The following NRDC variants were observed in gnomAD, a reference collection of about 807,000 sequenced individuals.
NRDC encodes the protein nardilysin convertase.
NRDC carries 54 observed loss-of-function variants against 147.1 expected under a neutral mutation model. The ratio of observed to expected loss-of-function variants is 0.37; its 90% confidence interval spans 0.29 to 0.46. NRDC has a LOEUF of 0.46. NRDC is among the 20% of genes least tolerant of loss of function. The pLI, the probability that NRDC is intolerant of heterozygous loss-of-function variation, is 1.00. For synonymous variants in NRDC, 440 were observed against 482.1 expected, an observed-to-expected ratio of 0.91 and a Z score of 1.14; for missense variants, 1,082 against 1,370.6, an observed-to-expected ratio of 0.79 and a Z score of 3.33.
At chr1:51,869,122 T>A (rs1224096582) in intron 1 of NRDC, among the ~76,000 whole-genome samples, 1 of 152,032 alleles carries the variant, frequency 6.6e-6, no homozygotes, top group African/African-American at 2.4e-5. Context: ...GCTAATTTTT[T>A]AATTTTTTGT....
chr1:51,878,343 C>T lies in NRDC; in HGVS notation c.273G>A (p.Arg91=), dbSNP rs1251765981. ...LGADESEEEG[R]RGSLSNAGDP... ...CCCCAGCATTACTGAGAGACCCCCT[C>T]CGTCCCTCTTCCTCAGATTCATCCG... The change falls in exon 1 of 31, where the codon CGG becomes CGA. Residue 91 remains arginine, a synonymous_variant. Coordinates refer to ENST00000352171, the MANE Select transcript of NRDC (RefSeq NM_001101662.2). The T allele has an allele frequency of 6.2e-7, 1 of 1,614,228 alleles. No homozygotes were observed. The highest frequency in any genetic ancestry group is 1.1e-5 in the South Asian group (1 of 91,090).
chr1:51,852,595 T>C (rs1323903224), intron 1 of NRDC, among the ~76,000 whole-genome samples: 2 of 3,374 alleles, frequency 5.9e-4, no homozygotes, highest in Non-Finnish European at 2.2e-3. Context: ...TAGTTTTATA[T>C]ATAGTTTTTT....
chr1:51,838,873 C>T (rs1424416220), intron 2 of NRDC, among the ~76,000 whole-genome samples: 1 of 152,074 alleles, frequency 6.6e-6, no homozygotes, highest in Non-Finnish European at 1.5e-5. Context: ...CATATATATA[C>T]CTTTTTTTCC....
At chr1:51,798,464 C>T in intron 21 of NRDC, 53 bp from the exon 22 acceptor site, 13 of 1,435,982 alleles carry the variant, frequency 9.1e-6, no homozygotes, top group Non-Finnish European at 1.3e-5. Flanking sequence ...AGAAATGAAT[C>T]TTCAGAATAA....
intron 17 of NRDC, 56 bp downstream of exon 17, chr1:51,809,259 A>G (rs1288421268): frequency 1.4e-5 from 14 of 1,036,298 alleles, no homozygotes; most frequent in Middle Eastern, 4.0e-4. Flanking sequence ...AATGTGCTAT[A>G]CAGGTGCCTA....
At position 51,836,219 on chromosome 1, in the gene NRDC, T is replaced by G; in HGVS notation, c.631-7A>C. On this transcript the variant is annotated splice_region_variant and splice_polypyrimidine_tract_variant and intron_variant, in intron 2 of 30. Transcript: ENST00000352171. ...CACAAAGAGCCGCTGCAGACTGGAG[T>G]AATTAGAACACATACAAATAGTTGA... The G allele has an allele frequency of 2.5e-6, 4 of 1,613,470 alleles. No individual in the cohort carries two copies. Among genetic ancestry groups the G allele is most frequent in the Non-Finnish European group, 2.5e-6 (3 of 1,179,492 alleles).
intron 7 of NRDC, among the ~76,000 whole-genome samples, chr1:51,822,857 T>C (rs1036896755): frequency 6.6e-6 from 1 of 152,198 alleles, no homozygotes; most frequent in Non-Finnish European, 1.5e-5. Flanking sequence ...GCGAAAATGT[T>C]TTACATCTAA....
At chr1:51,791,685 T>C (rs773830336) in intron 26 of NRDC, 24 bp from the exon 27 acceptor site, 192 of 1,575,594 alleles carry the variant, frequency 1.2e-4, no homozygotes, top group Non-Finnish European at 1.6e-4. Context: ...AGAAAAGTTA[T>C]ATGAGCTCAG....
At chr1:51,849,587 T>A (rs1341708737) in intron 1 of NRDC, among the ~76,000 whole-genome samples, 1 of 150,484 alleles carries the variant, frequency 6.6e-6, no homozygotes, top group Non-Finnish European at 1.5e-5. Flanking sequence ...AAGGTGGAGG[T>A]GGATGGATCA....
intron 17 of NRDC, among the ~76,000 whole-genome samples, chr1:51,808,635 G>C (rs1206363987): frequency 1.3e-5 from 2 of 152,014 alleles, no homozygotes; most frequent in Non-Finnish European, 2.9e-5. Flanking sequence ...CAATTATTTT[G>C]GGTATATACT....
chr1:51,845,308 T>C (rs1365681892), intron 1 of NRDC, among the ~76,000 whole-genome samples: 2 of 152,110 alleles, frequency 1.3e-5, no homozygotes, highest in African/African-American at 4.8e-5. Flanking sequence ...ATGTCTCCTT[T>C]TGGCCCGGCC....
At chr1:51,828,761 C>CA (rs1388908936) in intron 4 of NRDC, among the ~76,000 whole-genome samples, 19 of 141,652 alleles carry the variant, frequency 1.3e-4, no homozygotes, top group Admixed American at 1.1e-3. Flanking sequence ...CTCTATCACT[C>CA]AGGCTAGAAT....
intron 15 of NRDC, among the ~76,000 whole-genome samples, chr1:51,811,207 A>T (rs1380186962): frequency 6.6e-6 from 1 of 152,222 alleles, no homozygotes; most frequent in Non-Finnish European, 1.5e-5. Context: ...TGTCCTCTTT[A>T]AAATTAATAG....
chr1:51,789,931 C>T (rs1678510512), intron 29 of NRDC: 3 of 418,392 alleles, frequency 7.2e-6, no homozygotes, highest in African/African-American at 2.0e-5. Context: ...CACCCACATC[C>T]CCTTAGTGTC....
intron 15 of NRDC, among the ~76,000 whole-genome samples, chr1:51,810,622 T>G (rs1005113736): frequency 4.6e-5 from 7 of 152,264 alleles, no homozygotes; most frequent in African/African-American, 1.7e-4. Flanking sequence ...AGTATATTCT[T>G]GATAATGCTT....
At chr1:51,811,299 T>A (rs1679702950) in intron 15 of NRDC, among the ~76,000 whole-genome samples, 1 of 152,186 alleles carries the variant, frequency 6.6e-6, no homozygotes, top group South Asian at 2.1e-4. Context: ...TTGTGTCAAA[T>A]AACTATGGTA....
chr1:51,813,493 C>T lies in NRDC; in HGVS notation c.1674+542G>A, dbSNP rs141193627. On this transcript the variant is annotated intron_variant, in intron 14 of 30. Coordinates refer to ENST00000352171, the MANE Select transcript of NRDC (RefSeq NM_001101662.2). ...AACATATCCCATACGCTTCCCAAAACACCACACTGCCCAGTCCTTTACTAG... is the reference window on the plus strand; with the variant it reads ...AACATATCCCATACGCTTCCCAAAATACCACACTGCCCAGTCCTTTACTAG... 1.9e-4 allele frequency among the ~76,000 whole-genome samples: 29 copies of T among 152,210 alleles called. No individual in the cohort carries two copies. In the East Asian group the frequency reaches 5.6e-3, roughly 29 times the overall value.
chr1:51,794,671 TAA>T, intron 23 of NRDC, 61 bp from the exon 24 acceptor site: 1 of 1,600,026 alleles, frequency 6.2e-7, no homozygotes, highest in Non-Finnish European at 8.5e-7. Flanking sequence ...CTAGGCCTTC[TAA>T]CTTTTCAATT....
intron 2 of NRDC, chr1:51,837,577 C>CT: frequency 6.3e-7 from 1 of 1,593,838 alleles, no homozygotes; most frequent in Non-Finnish European, 8.6e-7. Context: ...AAACCACAGT[C>CT]TATCAGTCAG....
Sources: allele counts gnomAD v4.1 joint callset (sites outside exome capture counted in the v4.1 genomes callset), GRCh38; gene constraint gnomAD v4.1.1; transcripts MANE v1.5; gene names NCBI Gene and HGNC (gene_info 2026-07-23, HGNC 2026-07-21).